The following GALNTL6 variants were observed in gnomAD, a reference collection of about 807,000 sequenced individuals.
GALNTL6 encodes polypeptide N-acetylgalactosaminyltransferase-like 6.
Under a neutral mutation model 73.7 loss-of-function variants are expected in GALNTL6, and 46 were observed. That is an observed-to-expected ratio of 0.62 (90% CI 0.49 to 0.80). GALNTL6 has a LOEUF of 0.80. Ranked by LOEUF, GALNTL6 falls within the 30% of genes least tolerant of loss-of-function variation. GALNTL6 has a pLI of 0.00. For missense variants in GALNTL6, 604 were observed against 755.0 expected, an observed-to-expected ratio of 0.80 and a Z score of 2.34; for synonymous variants, 259 against 263.7, an observed-to-expected ratio of 0.98 and a Z score of 0.17.
intron 5 of GALNTL6, among the ~76,000 whole-genome samples, chr4:172,785,831 C>T (rs1008847417): frequency 2.4e-4 from 37 of 152,070 alleles, no homozygotes; most frequent in Admixed American, 1.6e-3. Flanking sequence ...ATGACTTTTA[C>T]GCTCTGGGGC....
intron 4 of GALNTL6, among the ~76,000 whole-genome samples, chr4:172,316,497 G>A (rs1578947930): frequency 6.6e-6 from 1 of 152,038 alleles, no homozygotes; most frequent in African/African-American, 2.4e-5. Flanking sequence ...ACAATAAATG[G>A]AGTATGAGGT....
chr4:172,150,883 TAAGAA>T (rs1200917312), intron 2 of GALNTL6, among the ~76,000 whole-genome samples: 1 of 152,202 alleles, frequency 6.6e-6, no homozygotes, highest in Non-Finnish European at 1.5e-5. Flanking sequence ...AAGAGAGAGT[TAAGAA>T]AAGAAGTTGC....
chr4:172,756,549 G>T (rs1304688855), intron 5 of GALNTL6, among the ~76,000 whole-genome samples: 2 of 152,012 alleles, frequency 1.3e-5, no homozygotes, highest in South Asian at 4.2e-4. Flanking sequence ...GGAGGCTGAA[G>T]CAGGAGAATC....
At chr4:172,209,951 T>C (rs1289281818) in intron 2 of GALNTL6, among the ~76,000 whole-genome samples, 3 of 152,062 alleles carry the variant, frequency 2.0e-5, no homozygotes, top group Non-Finnish European at 2.9e-5. Context: ...TAGTACAGCA[T>C]AGAGAAAGCC....
At position 172,434,981 on chromosome 4, in the gene GALNTL6, A is replaced by G. The variant is rs527967707; in HGVS notation, c.553+86292A>G. 2.6e-5 allele frequency among the ~76,000 whole-genome samples: 4 copies of G among 152,284 alleles called. No individual in the cohort carries two copies. In the East Asian group the frequency reaches 5.8e-4, roughly 22 times the overall value. On this transcript the variant is annotated intron_variant, in intron 5 of 12. Coordinates refer to ENST00000506823, the MANE Select transcript of GALNTL6 (RefSeq NM_001034845.3). ...AGCTCTATATGCAAGATCCATCTTT[A>G]GAAATACCCTTTGTAAATGTAATAA...
At chr4:172,558,374 A>G (rs1455791154) in intron 5 of GALNTL6, among the ~76,000 whole-genome samples, 1 of 152,214 alleles carries the variant, frequency 6.6e-6, no homozygotes, top group Non-Finnish European at 1.5e-5. Context: ...CACTGTGACT[A>G]TATTTGGAGA....
chr4:172,413,217 C>G (rs1176722195), intron 5 of GALNTL6, among the ~76,000 whole-genome samples: 1 of 152,156 alleles, frequency 6.6e-6, no homozygotes, highest in East Asian at 1.9e-4. Flanking sequence ...AAGTAAGTTT[C>G]TGTCACTCCA....
chr4:171,930,930 A>G (rs1225646367), intron 2 of GALNTL6, among the ~76,000 whole-genome samples: 1 of 152,180 alleles, frequency 6.6e-6, no homozygotes, highest in Non-Finnish European at 1.5e-5. Context: ...TAGTTACAGC[A>G]ATTAGGTAAG....
At chr4:172,078,061 G>A (rs1731758919) in intron 2 of GALNTL6, among the ~76,000 whole-genome samples, 2 of 152,144 alleles carry the variant, frequency 1.3e-5, no homozygotes, top group Non-Finnish European at 2.9e-5. Context: ...GTGCACAAAA[G>A]GCCAGAGTTG....
At chr4:172,595,975 CTT>C (rs1467988643) in intron 5 of GALNTL6, among the ~76,000 whole-genome samples, 7 of 151,880 alleles carry the variant, frequency 4.6e-5, no homozygotes, top group Non-Finnish European at 7.4e-5. Flanking sequence ...AGCATATAAA[CTT>C]ATATAAAACA....
chr4:172,481,042 C>T (rs890734102), intron 5 of GALNTL6, among the ~76,000 whole-genome samples: 5 of 152,168 alleles, frequency 3.3e-5, no homozygotes, highest in African/African-American at 9.7e-5. Flanking sequence ...AAGAATGAAG[C>T]CGTGGACTAT....
chr4:172,011,834 C>T (rs1741016868), intron 2 of GALNTL6, among the ~76,000 whole-genome samples: 2 of 151,750 alleles, frequency 1.3e-5, no homozygotes, highest in South Asian at 4.2e-4. Flanking sequence ...AAAACTAAAC[C>T]TTAGGGAACA....
At chr4:172,475,804 T>C (rs1252460658) in intron 5 of GALNTL6, among the ~76,000 whole-genome samples, 1 of 152,192 alleles carries the variant, frequency 6.6e-6, no homozygotes, top group East Asian at 1.9e-4. Flanking sequence ...AACGAAATCA[T>C]GTCATACTTC....
At chr4:171,987,411 C>T (rs575418761) in intron 2 of GALNTL6, among the ~76,000 whole-genome samples, 1 of 152,242 alleles carries the variant, frequency 6.6e-6, no homozygotes, top group South Asian at 2.1e-4. Context: ...TTATGTCTGA[C>T]AGAAGGGAAG....
rs1170168117 is a variant in GALNTL6 at position 172,504,632 on chromosome 4, A to AC, written c.553+155943_553+155944insC. On this transcript the variant is annotated intron_variant, in intron 5 of 12. Transcript: ENST00000506823. ...AAGTAAATGCTCTAAAAAAAAAAAA[A>AC]AAAAGAAGTAATGGGGGGATGGAGT... Among the ~76,000 whole-genome samples, 6 of 52,644 alleles carry AC rather than the reference A, an allele frequency of 1.1e-4. 2 individuals carry two copies. Among genetic ancestry groups the AC allele is most frequent in the African/African-American group, 2.9e-4 (6 of 20,912 alleles). The allele number at this position is 52,644 out of a possible 152,430, so 34.5% of individuals were successfully genotyped here.
At chr4:172,958,278 T>C (rs1414999815) in intron 10 of GALNTL6, among the ~76,000 whole-genome samples, 1 of 152,092 alleles carries the variant, frequency 6.6e-6, no homozygotes, top group African/African-American at 2.4e-5. Flanking sequence ...AACAGTAAGG[T>C]CAAGTTGTTT....
At chr4:172,440,821 C>T (rs946474804) in intron 5 of GALNTL6, among the ~76,000 whole-genome samples, 1 of 152,000 alleles carries the variant, frequency 6.6e-6, no homozygotes, top group Non-Finnish European at 1.5e-5. Flanking sequence ...GGATTTCTTT[C>T]TTACTGATTC....
intron 2 of GALNTL6, among the ~76,000 whole-genome samples, chr4:172,038,048 G>A (rs1362215828): frequency 5.3e-5 from 8 of 151,508 alleles, no homozygotes; most frequent in East Asian, 3.9e-4. Context: ...GCACCTGGGC[G>A]ATAAGGTTGC....
intron 2 of GALNTL6, among the ~76,000 whole-genome samples, chr4:172,222,335 T>C (rs1442267146): frequency 3.2e-5 from 1 of 31,566 alleles, no homozygotes; most frequent in Non-Finnish European, 5.9e-5. Flanking sequence ...TTATTCACAT[T>C]AATATAGTTA....
Sources: allele counts gnomAD v4.1 joint callset (sites outside exome capture counted in the v4.1 genomes callset), GRCh38; gene constraint gnomAD v4.1.1; transcripts MANE v1.5; gene names NCBI Gene and HGNC (gene_info 2026-07-23, HGNC 2026-07-21).